Variants in ANO1 observed in about 807,000 individuals in gnomAD.
ANO1 encodes anoctamin 1.
Under a neutral mutation model 124.0 loss-of-function variants are expected in ANO1, and 59 were observed. That is an observed-to-expected ratio of 0.48 (90% CI 0.39 to 0.59). The LOEUF is 0.59. Among genes scored for constraint, ANO1 ranks in the 20% least tolerant of loss-of-function variants. ANO1 has a pLI of 0.00. For missense variants in ANO1, 1,059 were observed against 1,328.0 expected (o/e 0.80, Z 3.15); for synonymous variants, 529 against 532.0 (o/e 0.99, Z 0.08).
At chr11:70,078,790 G>T in intron 1 of ANO1, 76 bp downstream of exon 1, 1 of 1,013,448 alleles carries the variant, frequency 9.9e-7, no homozygotes, top group Non-Finnish European at 1.3e-6. Context: ...CCGGGCGGCG[G>T]CAGGGCCTCC....
At chr11:70,181,142 G>A (rs1226121658) in intron 23 of ANO1, among the ~76,000 whole-genome samples, 1 of 152,212 alleles carries the variant, frequency 6.6e-6, no homozygotes, top group Non-Finnish European at 1.5e-5. Context: ...AGTCTGCTGT[G>A]CCAGGGGCCC....
intron 13 of ANO1, 36 bp downstream of exon 13, chr11:70,152,497 A>T: frequency 6.2e-7 from 1 of 1,606,950 alleles, no homozygotes; most frequent in Non-Finnish European, 8.5e-7. Flanking sequence ...ATCTTCCCAC[A>T]GCCTATCTCC....
intron 11 of ANO1, among the ~76,000 whole-genome samples, chr11:70,142,375 G>A (rs2047186714): frequency 6.6e-6 from 1 of 152,180 alleles, no homozygotes; most frequent in African/African-American, 2.4e-5. Flanking sequence ...TGGGGACGAA[G>A]GGGATGCACT....
chr11:69,987,536 T>G (rs1260424328), intron 1 of ANO1, among the ~76,000 whole-genome samples: 1 of 148,094 alleles, frequency 6.8e-6, no homozygotes, highest in African/African-American at 2.5e-5. Flanking sequence ...GGAGGATCGC[T>G]TGAGCCCGCA....
rs1328352391 is a variant in ANO1, at chr11:70,187,931, A to G, written c.2888A>G (p.His963Arg). The change falls in exon 26 of 26, where the codon CAC becomes CGC. Residue 963 changes from histidine (H) to arginine (R), a missense_variant. Transcript: ENST00000355303. ...RQKDEPPCNH[H>R]NTKACPDSLG... ...AAGGACGAGCCGCCGTGCAACCACCACAACACCAAAGCCTGCCCAGACAGC... is the reference window on the plus strand; with the variant it reads ...AAGGACGAGCCGCCGTGCAACCACCGCAACACCAAAGCCTGCCCAGACAGC... 1.3e-6 allele frequency: 2 copies of G among 1,584,094 alleles called. No individual in the cohort carries two copies. Among genetic ancestry groups the G allele is most frequent in the South Asian group, 1.2e-5 (1 of 86,820 alleles).
chr11:70,095,164 C>T (rs2044794445), intron 2 of ANO1, among the ~76,000 whole-genome samples: 1 of 149,428 alleles, frequency 6.7e-6, no homozygotes, highest in African/African-American at 2.5e-5. Context: ...CAAGATCGCG[C>T]CACCACACTT....
At chr11:70,121,662 G>T (rs11234801) in intron 8 of ANO1, among the ~76,000 whole-genome samples, 82,470 of 100,330 alleles carry the variant, frequency 0.82, 34,098 homozygotes, top group Middle Eastern at 0.89. Flanking sequence ...CTCTCCATCT[G>T]CCTCTGTCTC....
In ANO1 at chr11:70,090,370, G is replaced by A. The variant is rs528961667; in HGVS notation, c.441+2286G>A. Among the ~76,000 whole-genome samples, 117 of 152,216 alleles carry A rather than the reference G, an allele frequency of 7.7e-4. 2 individuals carry two copies. The highest frequency in any genetic ancestry group is 1.5e-4 in the Non-Finnish European group (10 of 68,010). On this transcript the variant is annotated intron_variant, in intron 2 of 25. Transcript: ENST00000355303. Reference sequence around the variant, plus strand: ...CTGACTACAACTTTGAGATCTTAACGCTCAACAGGAACTTCTGGGGTCTAG... The same window carrying A: ...CTGACTACAACTTTGAGATCTTAACACTCAACAGGAACTTCTGGGGTCTAG...
intron 1 of ANO1, among the ~76,000 whole-genome samples, chr11:70,016,865 T>C (rs1379541066): frequency 6.6e-6 from 1 of 152,206 alleles, no homozygotes; most frequent in Non-Finnish European, 1.5e-5. Context: ...ACCAGGCCAT[T>C]TCCCAGCTGC....
chr11:70,073,357 C>T (rs181723680), upstream of ANO1, among the ~76,000 whole-genome samples: 37 of 152,304 alleles, frequency 2.4e-4, no homozygotes, highest in Middle Eastern at 3.4e-3. Context: ...TGAGAAAGGA[C>T]CCAGGAGGGT....
Position 70,128,630 on chromosome 11 carries a change from C to CGGGAGGT in ANO1, c.1097+2437_1097+2443dup, listed in dbSNP as rs541380270. ...GCCCAGCAGGCGACCTGGAGCGAAG[C>CGGGAGGT]GGGAGGTGCGTGCTCCCTGCAGCTT... On this transcript the variant is annotated intron_variant, in intron 10 of 25. Coordinates refer to ENST00000355303, the MANE Select transcript of ANO1 (RefSeq NM_018043.7). 2.6e-4 allele frequency among the ~76,000 whole-genome samples: 39 copies of CGGGAGGT among 152,328 alleles called. No homozygotes were observed. The South Asian group carries it at 7.9e-3, about 31-fold the overall frequency.
intron 1 of ANO1, among the ~76,000 whole-genome samples, chr11:70,029,091 A>G (rs1856957613): frequency 6.6e-6 from 1 of 152,170 alleles, no homozygotes; most frequent in Non-Finnish European, 1.5e-5. Context: ...CCAGATCCTA[A>G]GTTTCTTGAA....
At position 70,141,049 on chromosome 11, in the gene ANO1, G is replaced by A. The variant is rs2047135608; in HGVS notation, c.1259-8661G>A. Among the ~76,000 whole-genome samples, 3 of 152,148 alleles carry A rather than the reference G, an allele frequency of 2.0e-5. No individual in the cohort carries two copies. In the South Asian group the frequency reaches 6.2e-4, roughly 32 times the overall value. The stretch of plus-strand genomic sequence containing the variant: ...CACAGCTAACAGGTCCCTAACAGAC[G>A]TCTCAGATGCGCACCCCGGCCCATC... On this transcript the variant is annotated intron_variant, in intron 11 of 25. Coordinates refer to ENST00000355303, the MANE Select transcript of ANO1 (RefSeq NM_018043.7).
rs370100618 is a variant in ANO1 at position 70,188,034 on chromosome 11, G to A, written c.*30G>A. ...GCCAGCGGGGCTGGGCAGGCCAGCCGGGCATCCTGACCGATGGGCACCCTC... is the reference window on the plus strand; with the variant it reads ...GCCAGCGGGGCTGGGCAGGCCAGCCAGGCATCCTGACCGATGGGCACCCTC... On this transcript the variant is annotated 3_prime_UTR_variant, in exon 26 of 26. Transcript: ENST00000355303. The A allele has an allele frequency of 7.5e-5, 115 of 1,540,160 alleles. 1 individual carries two copies. Among genetic ancestry groups the A allele is most frequent in the African/African-American group, 5.2e-4 (38 of 73,130 alleles).
At chr11:70,156,503 T>TTG (rs2047823587) in intron 15 of ANO1, among the ~76,000 whole-genome samples, 1 of 152,200 alleles carries the variant, frequency 6.6e-6, no homozygotes, top group African/African-American at 2.4e-5. Flanking sequence ...TGCTAGCTGC[T>TTG]TGTTTCAACT....
At chr11:70,098,449 C>A (rs776410319) in intron 2 of ANO1, among the ~76,000 whole-genome samples, 1 of 152,204 alleles carries the variant, frequency 6.6e-6, no homozygotes, top group Non-Finnish European at 1.5e-5. Context: ...CTGCCTGACA[C>A]GGGAGGTGCT....
At chr11:70,008,020 A>G (rs1312787977) in intron 1 of ANO1, among the ~76,000 whole-genome samples, 12 of 152,138 alleles carry the variant, frequency 7.9e-5, no homozygotes, top group African/African-American at 2.7e-4. Flanking sequence ...AGTGATGTGG[A>G]GCATCTTACC....
rs973542392 is a variant in ANO1 at position 70,186,203 on chromosome 11, C to T, written c.2694+508C>T. ...TCAGGAGGCTGAGGCAAGAGAATCACTTGAACCCAGGAGGCAGAGGTTGCA... is the reference window on the plus strand; with the variant it reads ...TCAGGAGGCTGAGGCAAGAGAATCATTTGAACCCAGGAGGCAGAGGTTGCA... On this transcript the variant is annotated intron_variant, in intron 25 of 25. Coordinates refer to ENST00000355303, the MANE Select transcript of ANO1 (RefSeq NM_018043.7). Among the ~76,000 whole-genome samples, 6 of 152,194 alleles carry T rather than the reference C, an allele frequency of 3.9e-5. No individual in the cohort carries two copies. The East Asian group carries it at 1.2e-3, about 29-fold the overall frequency.
At chr11:69,973,378 C>T in the ANO1 span, among the ~76,000 whole-genome samples, 5 of 152,158 alleles carry the variant, frequency 3.3e-5, no homozygotes, top group East Asian at 1.9e-4. Flanking sequence ...GACCTGCGTC[C>T]GAGGGATCGG....
Sources: allele counts gnomAD v4.1 joint callset (sites outside exome capture counted in the v4.1 genomes callset), GRCh38; gene constraint gnomAD v4.1.1; transcripts MANE v1.5; gene names NCBI Gene and HGNC (gene_info 2026-07-23, HGNC 2026-07-21).